Variants in NAT1 observed in about 807,000 individuals in gnomAD.
NAT1 encodes N-acetyltransferase 1, also known as arylamine N-acetyltransferase 1.
For synonymous variants in NAT1, 144 were observed against 122.6 expected, an observed-to-expected ratio of 1.17 and a Z score of -1.16; for missense variants, 400 against 339.2, an observed-to-expected ratio of 1.18 and a Z score of -1.41.
At chr8:18,187,936 A>AACACACACAC (rs35203470) in intron 2 of NAT1, among the ~76,000 whole-genome samples, 7,390 of 137,394 alleles carry the variant, frequency 0.054, 284 homozygotes, top group Non-Finnish European at 0.073. Context: ...TTGTATCTTA[A>AACACACACAC]ACACACACAC....
In NAT1 at chr8:18,200,628, C is replaced by T. The variant is rs1803420181; in HGVS notation, n.93-9153C>T. On this transcript the variant is annotated intron_variant and non_coding_transcript_variant, in intron 2 of 4. Coordinates refer to the NAT1 transcript ENST00000517441. ...TGATGAACTAACCTGTACACCAAAC[C>T]CCTGTGACGTGTAGTTTACCTATCT... 2.0e-5 allele frequency among the ~76,000 whole-genome samples: 3 copies of T among 152,132 alleles called. No homozygotes were observed. The South Asian group carries it at 6.3e-4, about 32-fold the overall frequency.
chr8:18,218,158 T>C (rs1407902682), intron 1 of NAT1, among the ~76,000 whole-genome samples: 1 of 152,188 alleles, frequency 6.6e-6, no homozygotes, highest in African/African-American at 2.4e-5. Context: ...TCCTTCTGTG[T>C]CTCTATTTCA....
intron 2 of NAT1, among the ~76,000 whole-genome samples, chr8:18,197,014 A>C (rs920526911): frequency 6.6e-6 from 1 of 152,154 alleles, no homozygotes; most frequent in African/African-American, 2.4e-5. Flanking sequence ...CATGGCTAAG[A>C]GGTCTCAGGA....
At chr8:18,220,495 T>C (rs555712762) in intron 2 of NAT1, among the ~76,000 whole-genome samples, 1 of 152,260 alleles carries the variant, frequency 6.6e-6, no homozygotes, top group South Asian at 2.1e-4. Flanking sequence ...TCTCAAAAGG[T>C]TAAGGCTCTA....
At chr8:18,205,130 G>A (rs896028250), upstream of NAT1, among the ~76,000 whole-genome samples, 1 of 152,168 alleles carries the variant, frequency 6.6e-6, no homozygotes, top group African/African-American at 2.4e-5. Context: ...TTCATAGTGC[G>A]GTTACAGCAA....
chr8:18,211,477 T>G (rs958248467), intron 1 of NAT1: 2 of 152,280 alleles, frequency 1.3e-5, no homozygotes, highest in Non-Finnish European at 2.9e-5. Flanking sequence ...AACTGTCAAC[T>G]TTCTACCTGC....
intron 1 of NAT1, among the ~76,000 whole-genome samples, chr8:18,218,134 T>C (rs1563192098): frequency 6.6e-6 from 1 of 152,148 alleles, no homozygotes; most frequent in East Asian, 1.9e-4. Flanking sequence ...TGTTTTCTCT[T>C]CTCCTCTATT....
chr8:18,185,767 G>A (rs539606472), intron 2 of NAT1, among the ~76,000 whole-genome samples: 4 of 151,366 alleles, frequency 2.6e-5, no homozygotes, highest in African/African-American at 7.3e-5. Context: ...CTTTTCTTAC[G>A]TATGCTTAAA....
chr8:18,178,177 A>G (rs768650329), intron 2 of NAT1, among the ~76,000 whole-genome samples: 6 of 151,980 alleles, frequency 3.9e-5, no homozygotes, highest in Non-Finnish European at 8.8e-5. Context: ...AGAGCAGGAG[A>G]TGCAAGAACT....
At chr8:18,210,614 C>T (rs1803992624) in intron 1 of NAT1, among the ~76,000 whole-genome samples, 1 of 152,218 alleles carries the variant, frequency 6.6e-6, no homozygotes, top group Non-Finnish European at 1.5e-5. Flanking sequence ...CCTCCTCTGT[C>T]CCCAGTGGTG....
At chr8:18,199,443 T>C (rs1401504116) in intron 2 of NAT1, among the ~76,000 whole-genome samples, 2 of 152,070 alleles carry the variant, frequency 1.3e-5, no homozygotes, top group South Asian at 2.1e-4. Context: ...ATCTTTGATA[T>C]CACACGAAAA....
chr8:18,194,677 G>A (rs920883900), intron 2 of NAT1, among the ~76,000 whole-genome samples: 18 of 152,040 alleles, frequency 1.2e-4, no homozygotes, highest in Admixed American at 2.6e-4. Context: ...AAAATTAGCC[G>A]GGCATGGTGG....
intron 2 of NAT1, among the ~76,000 whole-genome samples, chr8:18,183,482 T>G (rs1802604064): frequency 6.6e-6 from 1 of 152,168 alleles, no homozygotes; most frequent in African/African-American, 2.4e-5. Flanking sequence ...TAGGAGTTTG[T>G]AGGCAGATAT....
chr8:18,219,914 A>T (rs1480664257), intron 2 of NAT1, among the ~76,000 whole-genome samples: 1 of 152,238 alleles, frequency 6.6e-6, no homozygotes, highest in Admixed American at 6.5e-5. Context: ...GAGGCAAAAA[A>T]AGAAAAAGAG....
intron 1 of NAT1, among the ~76,000 whole-genome samples, chr8:18,211,564 T>C (rs1804103634): frequency 6.6e-6 from 1 of 152,188 alleles, no homozygotes; most frequent in Admixed American, 6.5e-5. Context: ...GATTTGCTTT[T>C]CTGGCCTGGT....
At chr8:18,178,844 T>C (rs1406717464) in intron 2 of NAT1, among the ~76,000 whole-genome samples, 1 of 152,158 alleles carries the variant, frequency 6.6e-6, no homozygotes, top group Non-Finnish European at 1.5e-5. Context: ...GTTCAAATTC[T>C]AGAGTTTAGC....
intron 2 of NAT1, among the ~76,000 whole-genome samples, chr8:18,202,883 T>G (rs1051671891): frequency 4.6e-5 from 7 of 152,202 alleles, no homozygotes; most frequent in Non-Finnish European, 8.8e-5. Flanking sequence ...TATTCCCTTA[T>G]TTGGTCCCAC....
intron 1 of NAT1, among the ~76,000 whole-genome samples, chr8:18,210,867 T>A (rs949337046): frequency 5.3e-5 from 8 of 152,124 alleles, no homozygotes; most frequent in Non-Finnish European, 1.5e-5. Flanking sequence ...CTCCTCCTCC[T>A]GAGTTCAAGT....
chr8:18,217,696 G>A (rs1379681221), intron 1 of NAT1, among the ~76,000 whole-genome samples: 1 of 152,186 alleles, frequency 6.6e-6, no homozygotes, highest in Admixed American at 6.5e-5. Context: ...GGCTGGTAGT[G>A]AGTATAGCTG....
Sources: allele counts gnomAD v4.1 joint callset (sites outside exome capture counted in the v4.1 genomes callset), GRCh38; gene constraint gnomAD v4.1.1; transcripts MANE v1.5; gene names NCBI Gene and HGNC (gene_info 2026-07-23, HGNC 2026-07-21).